The following PTGER3 variants were observed in gnomAD, a reference collection of about 807,000 sequenced individuals.
The protein encoded by PTGER3 is prostaglandin E2 receptor EP3 subtype.
A neutral mutation model predicts 34.7 loss-of-function variants in PTGER3; 22 were observed. The observed-to-expected ratio is 0.63, with a 90% confidence interval of 0.45 to 0.91. PTGER3 has a LOEUF of 0.91. PTGER3 is among the 40% of genes least tolerant of loss of function. The pLI is 0.00. For missense variants in PTGER3, 468 were observed against 519.4 expected, an observed-to-expected ratio of 0.90 and a Z score of 0.96; for synonymous variants, 241 against 230.1, an observed-to-expected ratio of 1.05 and a Z score of -0.43.
intron 2 of PTGER3, among the ~76,000 whole-genome samples, chr1:70,985,307 G>T (rs1458723578): frequency 1.3e-5 from 2 of 152,120 alleles, no homozygotes; most frequent in African/African-American, 4.8e-5. Flanking sequence ...ATGATTCCCT[G>T]ACTCTCCTCC....
chr1:70,993,789 G>A (rs1159122342), intron 2 of PTGER3, among the ~76,000 whole-genome samples: 2 of 152,186 alleles, frequency 1.3e-5, no homozygotes, highest in Non-Finnish European at 2.9e-5. Flanking sequence ...AAGGGATGCA[G>A]TGAACAATAA....
At chr1:70,948,334 C>G (rs1650416732), downstream of PTGER3, among the ~76,000 whole-genome samples, 1 of 152,010 alleles carries the variant, frequency 6.6e-6, no homozygotes, top group South Asian at 2.1e-4. Context: ...GGACTTTTCC[C>G]CACCCTGCTT....
At chr1:71,007,389 G>A in intron 2 of PTGER3, 3 of 985,768 alleles carry the variant, frequency 3.0e-6, no homozygotes, top group Non-Finnish European at 3.6e-6. Flanking sequence ...AGTTGGGAAG[G>A]AAGAGAGTTC....
intron 4 of PTGER3, among the ~76,000 whole-genome samples, chr1:70,914,100 A>G (rs892209457): frequency 1.3e-5 from 2 of 151,602 alleles, no homozygotes; most frequent in African/African-American, 4.8e-5. Flanking sequence ...GTATACATAT[A>G]TAGTACATAT....
chr1:70,942,018 C>T (rs2100547368), intron 4 of PTGER3, among the ~76,000 whole-genome samples: 1 of 152,234 alleles, frequency 6.6e-6, no homozygotes, highest in East Asian at 1.9e-4. Flanking sequence ...CCTGTCTTTT[C>T]ATAATAATAG....
chr1:71,003,797 C>T (rs1402927122), intron 2 of PTGER3, among the ~76,000 whole-genome samples: 1 of 152,176 alleles, frequency 6.6e-6, no homozygotes, highest in Non-Finnish European at 1.5e-5. Flanking sequence ...AGTTTCCTAA[C>T]CAAACGTGGA....
chr1:70,877,428 A>T (rs530270052), intron 4 of PTGER3, among the ~76,000 whole-genome samples: 1 of 152,124 alleles, frequency 6.6e-6, no homozygotes, highest in African/African-American at 2.4e-5. Flanking sequence ...TTCTCTTCCT[A>T]TTTGGATGCC....
At chr1:70,944,790 T>A (rs1295268444) in intron 4 of PTGER3, among the ~76,000 whole-genome samples, 1 of 152,106 alleles carries the variant, frequency 6.6e-6, no homozygotes, top group East Asian at 1.9e-4. Flanking sequence ...TACCTCTTCA[T>A]CAGAAGTACT....
rs185747011 is a variant in PTGER3 at position 71,004,325 on chromosome 1, A to G, written c.1077+7980T>C. On this transcript the variant is annotated intron_variant, in intron 2 of 3. Transcript: ENST00000306666. ...CCATTTTATACAAACAATAGGTTTCAGTAGTGTCAGTTATAGAGATCATGA... is the reference window on the plus strand; with the variant it reads ...CCATTTTATACAAACAATAGGTTTCGGTAGTGTCAGTTATAGAGATCATGA... 1.6e-3 allele frequency among the ~76,000 whole-genome samples: 248 copies of G among 152,240 alleles called. 1 individual carries two copies. Among genetic ancestry groups the G allele is most frequent in the African/African-American group, 5.8e-3 (239 of 41,548 alleles).
intron 4 of PTGER3, among the ~76,000 whole-genome samples, chr1:70,866,742 C>G (rs1646050628): frequency 6.6e-6 from 1 of 152,180 alleles, no homozygotes; most frequent in Admixed American, 6.5e-5. Flanking sequence ...CTCTATCAGG[C>G]TGAGATTGCT....
chr1:70,924,520 A>G lies in PTGER3; in HGVS notation c.*23+29243T>C, dbSNP rs139127599. Among the ~76,000 whole-genome samples the G allele has an allele frequency of 3.5e-3, 533 of 152,278 alleles. 5 individuals are homozygous for G. The highest frequency in any genetic ancestry group is 0.012 in the African/African-American group (507 of 41,572). On this transcript the variant is annotated intron_variant, in intron 4 of 4. Transcript: ENST00000370931. Reference sequence around the variant, plus strand: ...AGGGATGGGTAATGTAAAAATCTGTATGAGTATTCTAATTGTGGGCACATT... The same window carrying G: ...AGGGATGGGTAATGTAAAAATCTGTGTGAGTATTCTAATTGTGGGCACATT...
intron 4 of PTGER3, among the ~76,000 whole-genome samples, chr1:70,944,434 A>T (rs1163518078): frequency 6.6e-6 from 1 of 152,140 alleles, no homozygotes; most frequent in African/African-American, 2.4e-5. Flanking sequence ...AGTATAGAAG[A>T]AGTCAGGGCA....
intron 2 of PTGER3, chr1:71,002,061 G>C (rs757399111): frequency 2.6e-5 from 4 of 152,124 alleles, no homozygotes; most frequent in Non-Finnish European, 5.9e-5. Flanking sequence ...TTTAAGACCA[G>C]CCTGGGCAAC....
chr1:70,928,492 G>A (rs540574617), intron 4 of PTGER3, among the ~76,000 whole-genome samples: 1 of 151,994 alleles, frequency 6.6e-6, no homozygotes, highest in African/African-American at 2.4e-5. Flanking sequence ...AATTAGCCAG[G>A]CATGGTGGCA....
At position 70,889,073 on chromosome 1, in the gene PTGER3, A is replaced by G. The variant is rs80066511; in HGVS notation, c.*24-36214T>C. On this transcript the variant is annotated intron_variant, in intron 4 of 4. Coordinates refer to the PTGER3 transcript ENST00000370931. ...GCTTAGATTTACCTACTATGCCTAG[A>G]TATATGCTAACTTGCTCTTTAGCGA... is the stretch of plus-strand genomic sequence containing the variant. Among the ~76,000 whole-genome samples the G allele has an allele frequency of 2.7e-3, 415 of 152,234 alleles. 9 individuals are homozygous for G. In the East Asian group the frequency reaches 0.04, roughly 15 times the overall value.
chr1:70,994,251 TA>T (rs1238874827), intron 2 of PTGER3, among the ~76,000 whole-genome samples: 1 of 152,156 alleles, frequency 6.6e-6, no homozygotes, highest in African/African-American at 2.4e-5. Context: ...TTGCACCCAC[TA>T]AGACTAGTAG....
At chr1:70,922,889 C>T (rs1370228370) in intron 4 of PTGER3, among the ~76,000 whole-genome samples, 12 of 152,122 alleles carry the variant, frequency 7.9e-5, no homozygotes, top group Non-Finnish European at 1.5e-5. Context: ...TGTGTGAACA[C>T]ACTGGCTAAA....
intron 2 of PTGER3, among the ~76,000 whole-genome samples, chr1:71,004,475 T>A (rs1158553862): frequency 6.6e-6 from 1 of 152,168 alleles, no homozygotes; most frequent in Non-Finnish European, 1.5e-5. Context: ...TTGATAAAAA[T>A]CATCTTTCAG....
intron 2 of PTGER3, among the ~76,000 whole-genome samples, chr1:70,992,701 C>A (rs189343419): frequency 3.4e-4 from 52 of 152,292 alleles, no homozygotes; most frequent in African/African-American, 1.1e-3. Context: ...ACTTGAGCAA[C>A]CAAGGACATC....
Sources: allele counts gnomAD v4.1 joint callset (sites outside exome capture counted in the v4.1 genomes callset), GRCh38; gene constraint gnomAD v4.1.1; transcripts MANE v1.5; gene names NCBI Gene and HGNC (gene_info 2026-07-23, HGNC 2026-07-21).